Variants in ASIP observed in about 807,000 individuals in gnomAD.
The protein encoded by ASIP is agouti-signaling protein.
Under a neutral mutation model 10.3 loss-of-function variants are expected in ASIP, and 11 were observed. The observed-to-expected ratio is 1.07, with a 90% CI of 0.68 to 1.78. ASIP has a LOEUF of 1.78. Among genes scored for constraint, ASIP ranks in the 40% most tolerant of loss-of-function variants. ASIP has a pLI of 0.00. For synonymous variants in ASIP, 70 were observed against 70.8 expected (o/e 0.99, Z 0.06); for missense variants, 180 against 169.2 (o/e 1.06, Z -0.35).
At chr20:34,208,127 G>A (rs951309622) in intron 1 of ASIP, among the ~76,000 whole-genome samples, 5 of 152,016 alleles carry the variant, frequency 3.3e-5, no homozygotes, top group African/African-American at 7.2e-5. Flanking sequence ...ATTTGTTTCC[G>A]GGTTTTCTAT....
chr20:34,266,754 C>T (rs1034983660), intron 3 of ASIP, among the ~76,000 whole-genome samples: 10 of 152,188 alleles, frequency 6.6e-5, no homozygotes, highest in Admixed American at 6.6e-4. Context: ...ACCAAACTGA[C>T]CCTTTCAAGT....
chr20:34,217,808 C>T (rs1294859062), intron 1 of ASIP, among the ~76,000 whole-genome samples: 5 of 152,160 alleles, frequency 3.3e-5, no homozygotes, highest in African/African-American at 4.8e-5. Context: ...GTGATCCGCC[C>T]GCCTCGGCCT....
chr20:34,268,852 A>T, intron 3 of ASIP, 139 bp from the exon 4 acceptor site: 1 of 1,007,442 alleles, frequency 9.9e-7, no homozygotes, highest in East Asian at 2.7e-5. Context: ...TGACTGGGGG[A>T]GCGGGCGGTG....
intron 1 of ASIP, among the ~76,000 whole-genome samples, chr20:34,225,654 A>G (rs1351299646): frequency 3.3e-5 from 5 of 152,164 alleles, no homozygotes; most frequent in African/African-American, 1.2e-4. Flanking sequence ...AATTCTTACC[A>G]TGAAGGAAAA....
chr20:34,249,443 A>G (rs2035438288), intron 1 of ASIP, among the ~76,000 whole-genome samples: 1 of 152,116 alleles, frequency 6.6e-6, no homozygotes, highest in Admixed American at 6.6e-5. Flanking sequence ...GTGTAATGTA[A>G]TGTTTCCCCT....
rs1383182656 is a variant in ASIP, at chr20:34,245,870, AT to A, written c.-11+4382del. On this transcript the variant is annotated intron_variant, in intron 1 of 3. Transcript: ENST00000374954. ...TATATATATTCTACAGTAAATATAT[AT>A]ATATGTATATATAAAGGCCTCTCTC... is the stretch of plus-strand genomic sequence containing the variant. 8.5e-6 allele frequency: 8 copies of A among 937,638 alleles called. No individual in the cohort carries two copies. The African/African-American group carries it at 1.4e-4, about 16-fold the overall frequency. 58.1% of individuals were successfully genotyped at this position (937,638 alleles called of 1,614,324 possible).
intron 1 of ASIP, among the ~76,000 whole-genome samples, chr20:34,256,601 C>A (rs547756904): frequency 6.6e-6 from 1 of 152,236 alleles, no homozygotes; most frequent in East Asian, 1.9e-4. Flanking sequence ...CCATGCCTGG[C>A]CTCTTTTTCT....
intron 1 of ASIP, chr20:34,246,510 C>A: frequency 8.0e-7 from 1 of 1,256,398 alleles, no homozygotes; most frequent in Non-Finnish European, 1.2e-6. Context: ...CCTTTGCAAT[C>A]AGCCCCACTG....
At chr20:34,237,134 C>T (rs77078893), upstream of ASIP, among the ~76,000 whole-genome samples, 1 of 151,998 alleles carries the variant, frequency 6.6e-6, no homozygotes, top group Non-Finnish European at 1.5e-5. Context: ...ATTACTGTGG[C>T]TTTGTAGTAA....
At chr20:34,213,713 C>T in intron 1 of ASIP, 1 of 1,520,402 alleles carries the variant, frequency 6.6e-7, no homozygotes, top group Non-Finnish European at 9.1e-7. Flanking sequence ...GGAAAAACTT[C>T]TTCCTCCAGG....
chr20:34,208,491 A>T (rs2034952342), intron 1 of ASIP, among the ~76,000 whole-genome samples: 1 of 152,070 alleles, frequency 6.6e-6, no homozygotes, highest in African/African-American at 2.4e-5. Context: ...AGTAGCTGGG[A>T]TTACAGGTGT....
chr20:34,188,061 C>T, the ASIP span, among the ~76,000 whole-genome samples: 1 of 152,224 alleles, frequency 6.6e-6, no homozygotes, highest in African/African-American at 2.4e-5. Flanking sequence ...TCCCCTCGCA[C>T]TTCCAGGGTC....
intron 1 of ASIP, among the ~76,000 whole-genome samples, chr20:34,245,628 A>G (rs1221424735): frequency 6.6e-6 from 1 of 151,700 alleles, no homozygotes; most frequent in Non-Finnish European, 1.5e-5. Context: ...TGACCTCATG[A>G]TCCACCCGCC....
At chr20:34,244,455 C>G (rs1167503724) in intron 1 of ASIP, among the ~76,000 whole-genome samples, 1 of 152,152 alleles carries the variant, frequency 6.6e-6, no homozygotes, top group East Asian at 1.9e-4. Flanking sequence ...TGATTAATGT[C>G]TAAAATGTGT....
rs549865985 is a variant in ASIP, at chr20:34,252,529, G to A, written c.-10-7836G>A. On this transcript the variant is annotated intron_variant, in intron 1 of 3. Coordinates refer to ENST00000374954, the MANE Select transcript of ASIP (RefSeq NM_001672.3). ...TATATCTCCCCTCTAGCCACAGGGC[G>A]GTTTTCTCCTATTTTCTCCTATCTT... Among the ~76,000 whole-genome samples the A allele has an allele frequency of 7.2e-5, 11 of 152,250 alleles. 1 individual carries two copies. The South Asian group carries it at 1.7e-3, about 23-fold the overall frequency.
At chr20:34,186,705 T>C in the ASIP span, among the ~76,000 whole-genome samples, 1 of 152,216 alleles carries the variant, frequency 6.6e-6, no homozygotes, top group Non-Finnish European at 1.5e-5. Flanking sequence ...CATTTTTCTA[T>C]TGGGAGCTTG....
intron 1 of ASIP, among the ~76,000 whole-genome samples, chr20:34,258,707 T>TATATATATATATACACAC (rs2122653897): frequency 1.0e-5 from 1 of 95,278 alleles, no homozygotes; most frequent in Non-Finnish European, 2.0e-5. Flanking sequence ...TATATATATA[T>TATATATATATATACACAC]ATTATATATA....
intron 1 of ASIP, among the ~76,000 whole-genome samples, chr20:34,244,340 T>C (rs1393102966): frequency 6.6e-6 from 1 of 152,156 alleles, no homozygotes; most frequent in Non-Finnish European, 1.5e-5. Flanking sequence ...TGAGCATGGG[T>C]GTACAGTATT....
intron 1 of ASIP, among the ~76,000 whole-genome samples, chr20:34,216,490 T>C (rs1466891372): frequency 6.6e-6 from 1 of 152,284 alleles, no homozygotes. Flanking sequence ...GTACATTTTA[T>C]GTTCTACCTA....
Sources: allele counts gnomAD v4.1 joint callset (sites outside exome capture counted in the v4.1 genomes callset), GRCh38; gene constraint gnomAD v4.1.1; transcripts MANE v1.5; gene names NCBI Gene and HGNC (gene_info 2026-07-23, HGNC 2026-07-21).